Variants in MYO7B observed in about 807,000 individuals in gnomAD.
MYO7B encodes the protein unconventional myosin-VIIb.
In MYO7B, 212 loss-of-function variants were observed where a neutral mutation model predicts 259.7. The ratio of observed to expected loss-of-function variants is 0.82; its 90% CI spans 0.73 to 0.91. The LOEUF (loss-of-function observed/expected upper bound fraction) is 0.91. Among genes scored for constraint, MYO7B ranks in the 40% least tolerant of loss-of-function variants. The pLI, the probability that MYO7B is intolerant of heterozygous loss-of-function variation, is 0.00. For missense variants in MYO7B, 2,732 were observed against 2,813.5 expected (o/e 0.97, Z 0.66); for synonymous variants, 1,197 against 1,166.4 (o/e 1.03, Z -0.54).
Position 127,632,308 on chromosome 2 carries a change from A to G in MYO7B, c.5312A>G (p.Lys1771Arg). Residue 1771 changes from lysine (K) to arginine (R), a missense_variant, in exon 39 of 48, where the codon AAG becomes AGG. Lys to Arg is a conservative substitution (Grantham distance 26). Transcript: ENST00000409816. ...TGCACGGGCCTCTTCCCGCCCAGCA[A>G]GGGGCTGCTGCCCCATGCCCAGAAG... is the stretch of plus-strand genomic sequence containing the variant. ...WLCTGLFPPSKGLLPHAQKFI... is the reference protein window; with the variant it reads ...WLCTGLFPPSRGLLPHAQKFI... 3 of 1,611,130 alleles carry G rather than the reference A, an allele frequency of 1.9e-6. No individual in the cohort carries two copies. In the South Asian group the frequency reaches 3.3e-5, roughly 18 times the overall value.
chr2:127,563,829 C>T (rs1281962799), intron 2 of MYO7B, among the ~76,000 whole-genome samples: 1 of 152,238 alleles, frequency 6.6e-6, no homozygotes, highest in Admixed American at 6.5e-5. Flanking sequence ...CTCTTAACCA[C>T]TCAGCCACAC....
rs1681290542 is a variant in MYO7B, at chr2:127,628,629, G to A, written c.4624+94G>A. On this transcript the variant is annotated intron_variant, in intron 34 of 47. Coordinates refer to ENST00000409816, the MANE Select transcript of MYO7B (RefSeq NM_001393586.1). The surrounding 1 kb of genome is among the most constrained non-coding windows in gnomAD (Gnocchi z 4.8). ...TAGGTGGCATGCTCATCTCCACACAGCAGCCACAAGGCAAGCAGAGGGAGG... is the reference window on the plus strand; with the variant it reads ...TAGGTGGCATGCTCATCTCCACACAACAGCCACAAGGCAAGCAGAGGGAGG... 3.0e-6 allele frequency: 4 copies of A among 1,313,054 alleles called. No homozygotes were observed. The South Asian group carries it at 5.6e-5, about 18-fold the overall frequency. 81.3% of individuals were successfully genotyped at this position (1,313,054 alleles called of 1,614,324 possible).
chr2:127,558,181 G>A (rs1355786807), intron 1 of MYO7B, among the ~76,000 whole-genome samples: 1 of 151,992 alleles, frequency 6.6e-6, no homozygotes, highest in Non-Finnish European at 1.5e-5. Flanking sequence ...TCAAAAAGTG[G>A]GCTAAGGTTA....
chr2:127,607,115 C>G lies in MYO7B; in HGVS notation c.2425-91C>G. 8.1e-7 allele frequency: 1 copy of G among 1,238,518 alleles called. No individual in the cohort carries two copies. Among genetic ancestry groups the G allele is most frequent in the Non-Finnish European group, 1.1e-6 (1 of 900,654 alleles). 76.7% of individuals were successfully genotyped at this position (1,238,518 alleles called of 1,614,324 possible). A position where few individuals can be genotyped will look rare whatever the true frequency, so the allele number is the denominator to read the frequency against. On this transcript the variant is annotated intron_variant, in intron 20 of 47. Transcript: ENST00000409816. This position sits in a 1 kb window ranked among gnomAD's most constrained non-coding sequence, Gnocchi z 4.4. ...TGCCAAAACAAAACTAACTGTAAATCTATCTTGCACTGCCTCCTGGGGAGC... is the reference window on the plus strand; with the variant it reads ...TGCCAAAACAAAACTAACTGTAAATGTATCTTGCACTGCCTCCTGGGGAGC...
intron 1 of MYO7B, among the ~76,000 whole-genome samples, chr2:127,557,412 T>A (rs970909112): frequency 6.6e-6 from 1 of 152,168 alleles, no homozygotes; most frequent in African/African-American, 2.4e-5. Flanking sequence ...AGTCAGGGAT[T>A]TCTTCTTGGT....
Position 127,605,833 on chromosome 2 carries a change from T to G in MYO7B, c.2340-11T>G. The G allele has an allele frequency of 6.2e-7, 1 of 1,612,882 alleles. No homozygotes were observed. The highest frequency in any genetic ancestry group is 8.5e-7 in the Non-Finnish European group (1 of 1,179,440). ...ATTGTTACATGTGTGTGGCTTGCAT[T>G]GCCCTTCTAGGAAGGAGTTCCTGAG... On this transcript the variant is annotated splice_polypyrimidine_tract_variant and intron_variant, in intron 19 of 47. Transcript: ENST00000409816.
chr2:127,569,751 G>A (rs372908358), intron 5 of MYO7B, 38 bp from the exon 6 acceptor site: 17 of 1,582,066 alleles, frequency 1.1e-5, no homozygotes, highest in African/African-American at 5.4e-5. Flanking sequence ...AAAAATAGTC[G>A]TTTTGTGGCA....
Position 127,607,442 on chromosome 2 carries a change from C to A in MYO7B, c.2643+18C>A. On this transcript the variant is annotated intron_variant, in intron 21 of 47. Coordinates refer to ENST00000409816, the MANE Select transcript of MYO7B (RefSeq NM_001393586.1). This position sits in a 1 kb window ranked among gnomAD's most constrained non-coding sequence, Gnocchi z 4.4. ...AGGCCAATGTAGGTGGTCACCTGGC[C>A]TCTTGGGCAGGTGGGGCTGGCTGGG... 6.5e-7 allele frequency: 1 copy of A among 1,549,230 alleles called. No individual in the cohort carries two copies. The highest frequency in any genetic ancestry group is 8.7e-7 in the Non-Finnish European group (1 of 1,146,026).
At chr2:127,604,237 C>T (rs917188228) in intron 19 of MYO7B, among the ~76,000 whole-genome samples, 3 of 152,246 alleles carry the variant, frequency 2.0e-5, no homozygotes, top group African/African-American at 7.2e-5. Flanking sequence ...GCACTTGCTG[C>T]TTCACCTTGC....
Position 127,628,191 on chromosome 2 carries a change from C to T in MYO7B, c.4461-181C>T. 1.3e-6 allele frequency: 1 copy of T among 766,126 alleles called. No homozygotes were observed. Among genetic ancestry groups the T allele is most frequent in the East Asian group, 2.7e-5 (1 of 36,848 alleles). The allele number at this position is 766,126 out of a possible 1,614,324, so 47.5% of individuals were successfully genotyped here. ...CTCTCAGCCTCCGAGAGGTCCTGTG[C>T]TCCGCCGTCCTTCATTTGTCCAGAC... On this transcript the variant is annotated intron_variant, in intron 33 of 47. Coordinates refer to ENST00000409816, the MANE Select transcript of MYO7B (RefSeq NM_001393586.1). The surrounding 1 kb of genome is among the most constrained non-coding windows in gnomAD (Gnocchi z 4.8).
Position 127,634,580 on chromosome 2 carries a change from C to G in MYO7B, c.5626-16C>G. ...CCGGAAGCCACCCAACTTCCCTGTA[C>G]CTTCCCCTTCCCCAGGTCATCAGCC... is the stretch of plus-strand genomic sequence containing the variant. On this transcript the variant is annotated splice_polypyrimidine_tract_variant and intron_variant, in intron 41 of 47. Coordinates refer to ENST00000409816, the MANE Select transcript of MYO7B (RefSeq NM_001393586.1). The G allele has an allele frequency of 6.2e-7, 1 of 1,604,820 alleles. No homozygotes were observed.
intron 26 of MYO7B, among the ~76,000 whole-genome samples, chr2:127,618,049 A>C (rs1392024364): frequency 6.6e-6 from 1 of 151,200 alleles, no homozygotes; most frequent in Non-Finnish European, 1.5e-5. Flanking sequence ...AGCTCTCTCT[A>C]TTTGTCTCTA....
At chr2:127,622,847 C>T (rs1434356971) in intron 28 of MYO7B, among the ~76,000 whole-genome samples, 2 of 152,224 alleles carry the variant, frequency 1.3e-5, no homozygotes, top group Non-Finnish European at 2.9e-5. Context: ...TTCCCAAGAG[C>T]TCCTGGTCTT....
At chr2:127,632,148 C>T in intron 38 of MYO7B, 98 bp from the exon 39 acceptor site, 2 of 1,413,636 alleles carry the variant, frequency 1.4e-6, no homozygotes, top group Non-Finnish European at 1.9e-6. Context: ...GCCCTCTAGA[C>T]CCCAGGCAGC....
rs781630446 is a variant in MYO7B at position 127,581,999 on chromosome 2, G to A, written c.1189G>A (p.Ala397Thr). The change falls in exon 11 of 48, where the codon GCC (alanine) becomes ACC (threonine). Residue 397 changes from alanine to threonine, a missense_variant. Transcript: ENST00000409816. ...NIAQAADRRD[A>T]FVKGIYGHLF... The stretch of plus-strand genomic sequence containing the variant: ...TGCCCAGGCTGCTGACCGGAGGGAC[G>A]CCTTTGTCAAGGTACAGAGCTGAGA... 1.2e-5 allele frequency: 20 copies of A among 1,613,688 alleles called. 1 individual carries two copies. The highest frequency in any genetic ancestry group is 1.6e-4 in the Middle Eastern group (1 of 6,084).
chr2:127,617,809 G>A (rs1417487581), intron 26 of MYO7B, among the ~76,000 whole-genome samples: 4 of 151,782 alleles, frequency 2.6e-5, no homozygotes, highest in East Asian at 1.9e-4. Flanking sequence ...GCCTTGTAAC[G>A]GGGTTTCTTA....
rs549327895 is a variant in MYO7B at position 127,578,223 on chromosome 2, G to A, written c.940G>A (p.Glu314Lys). Residue 314 changes from glutamate (E) to lysine (K), a missense_variant, in exon 9 of 48, where the codon GAG (glutamate) becomes AAG (lysine). By Grantham distance (56) the Glu-to-Lys change is moderately conservative. Around this residue, in one of 3 missense-constraint regions of MYO7B, gnomAD observed 1,906 missense variants for 2,026.4 expected, o/e 0.94. Transcript: ENST00000409816. The part of the protein sequence containing the change: ...AMKILQFSDS[E>K]SWDVIKLLAA... ...GAAGATCCTCCAGTTCTCCGACTCCGAGAGCTGGGACGTCATCAAGCTGCT... is the reference window on the plus strand; with the variant it reads ...GAAGATCCTCCAGTTCTCCGACTCCAAGAGCTGGGACGTCATCAAGCTGCT... 6.4e-5 allele frequency: 103 copies of A among 1,613,766 alleles called. 1 individual carries two copies. The highest frequency in any genetic ancestry group is 2.5e-4 in the South Asian group (23 of 91,036).
At chr2:127,610,072 G>C in intron 24 of MYO7B, 56 bp downstream of exon 24, 1 of 1,582,818 alleles carries the variant, frequency 6.3e-7, no homozygotes, top group South Asian at 1.1e-5. Flanking sequence ...GTGCCTACCA[G>C]GGCCCAGTCC....
chr2:127,610,695 G>A (rs932244282), intron 24 of MYO7B, among the ~76,000 whole-genome samples: 4 of 152,238 alleles, frequency 2.6e-5, no homozygotes, highest in Admixed American at 1.3e-4. Flanking sequence ...CCAGTGGCAG[G>A]AGCCCATGAC....
Sources: allele counts gnomAD v4.1 joint callset (sites outside exome capture counted in the v4.1 genomes callset), GRCh38; gene constraint gnomAD v4.1.1; regional missense constraint gnomAD v4.1.1; non-coding constraint Gnocchi (gnomAD v3.1); transcripts MANE v1.5; gene names NCBI Gene and HGNC (gene_info 2026-07-23, HGNC 2026-07-21).